Variants in DTNB observed in about 807,000 individuals in gnomAD.
DTNB encodes the protein DTN-B.
In DTNB, 63 loss-of-function variants were observed where a neutral mutation model predicts 90.7. That is an observed-to-expected ratio of 0.69 (90% CI 0.57 to 0.86). DTNB has a LOEUF of 0.86. DTNB is among the 40% of genes least tolerant of loss of function. DTNB has a pLI of 0.00. For missense variants in DTNB, 744 were observed against 807.1 expected, an observed-to-expected ratio of 0.92 and a Z score of 0.95; for synonymous variants, 277 against 286.7, an observed-to-expected ratio of 0.97 and a Z score of 0.34.
chr2:25,482,007 G>A (rs1396896925), intron 10 of DTNB, among the ~76,000 whole-genome samples: 1 of 152,108 alleles, frequency 6.6e-6, no homozygotes, highest in Non-Finnish European at 1.5e-5. Context: ...GGTACATATG[G>A]CACAAAATGT....
Position 25,588,075 on chromosome 2 carries a change from A to G in DTNB, c.604-7249T>C, listed in dbSNP as rs189713632. Among the ~76,000 whole-genome samples the G allele has an allele frequency of 2.9e-3, 435 of 152,268 alleles. 2 individuals are homozygous for G. Among genetic ancestry groups the G allele is most frequent in the Non-Finnish European group, 5.1e-3 (348 of 68,018 alleles). On this transcript the variant is annotated intron_variant, in intron 6 of 20. Coordinates refer to ENST00000406818, the MANE Select transcript of DTNB (RefSeq NM_021907.5). ...GGCAGTTTGGTCTACCTTCAGATGC[A>G]ATGCTTTAGTGTGACAATAAATTAT...
At chr2:25,651,778 C>A (rs1020674522) in intron 2 of DTNB, among the ~76,000 whole-genome samples, 7 of 152,310 alleles carry the variant, frequency 4.6e-5, no homozygotes, top group Non-Finnish European at 1.0e-4. Flanking sequence ...GCAAGGACCT[C>A]AGAGGCTATC....
At chr2:25,409,682 C>G (rs1232268752) in intron 16 of DTNB, among the ~76,000 whole-genome samples, 1 of 152,198 alleles carries the variant, frequency 6.6e-6, no homozygotes, top group African/African-American at 2.4e-5. Context: ...GCTTCCTTGT[C>G]TTATTGTCTC....
At position 25,558,824 on chromosome 2, in the gene DTNB, C is replaced by G. The variant is rs532838997; in HGVS notation, c.876+18014G>C. On this transcript the variant is annotated intron_variant, in intron 8 of 20. Coordinates refer to ENST00000406818, the MANE Select transcript of DTNB (RefSeq NM_021907.5). ...TACTGAAAATGCGGATAAAGGTTAT[C>G]AGGATATCCCAGACTATTCCCCCTA... Among the ~76,000 whole-genome samples, 5 of 152,302 alleles carry G rather than the reference C, an allele frequency of 3.3e-5. No individual in the cohort carries two copies. In the South Asian group the frequency reaches 1.0e-3, roughly 32 times the overall value.
chr2:25,388,025 G>A (rs2039999237), intron 17 of DTNB, among the ~76,000 whole-genome samples, 177 bp downstream of exon 17: 1 of 152,238 alleles, frequency 6.6e-6, no homozygotes, highest in Admixed American at 6.5e-5. Context: ...CCCTCCCGCT[G>A]GAGACCAGCC....
intron 16 of DTNB, among the ~76,000 whole-genome samples, chr2:25,389,846 T>TTGTG (rs68107964): frequency 0.013 from 1,262 of 96,100 alleles, 13 homozygotes; most frequent in African/African-American, 0.039. Flanking sequence ...TTTGAATCAT[T>TTGTG]TGTGTGTGTG....
chr2:25,504,030 G>A (rs1479228924), intron 9 of DTNB, among the ~76,000 whole-genome samples: 1 of 152,214 alleles, frequency 6.6e-6, no homozygotes, highest in Non-Finnish European at 1.5e-5. Context: ...CACTCTGGGA[G>A]GCCGAAGTGG....
At chr2:25,509,746 C>CTTTTT (rs36101268) in intron 9 of DTNB, among the ~76,000 whole-genome samples, 34 of 83,736 alleles carry the variant, frequency 4.1e-4, no homozygotes, top group Middle Eastern at 7.7e-3. Context: ...CTTTTAGATT[C>CTTTTT]TTTTTTTTTT....
chr2:25,568,870 A>C (rs1321652148), intron 8 of DTNB, among the ~76,000 whole-genome samples: 1 of 152,212 alleles, frequency 6.6e-6, no homozygotes, highest in African/African-American at 2.4e-5. Context: ...TCTTCACATA[A>C]GGCAGAACGC....
At chr2:25,405,810 G>C (rs1354696972) in intron 16 of DTNB, among the ~76,000 whole-genome samples, 1 of 152,138 alleles carries the variant, frequency 6.6e-6, no homozygotes, top group Non-Finnish European at 1.5e-5. Context: ...TTCTAAGGAG[G>C]GGAGGGATGT....
At chr2:25,640,046 C>T (rs2148839293) in intron 2 of DTNB, among the ~76,000 whole-genome samples, 1 of 152,346 alleles carries the variant, frequency 6.6e-6, no homozygotes, top group East Asian at 1.9e-4. Flanking sequence ...AAGATGTCAG[C>T]ACTGAACGCT....
chr2:25,378,712 C>T (rs1224909828), intron 20 of DTNB, among the ~76,000 whole-genome samples: 1 of 152,190 alleles, frequency 6.6e-6, no homozygotes, highest in African/African-American at 2.4e-5. Context: ...GAGCATCTGC[C>T]ACTGGAGCAG....
intron 1 of DTNB, among the ~76,000 whole-genome samples, chr2:25,654,757 A>C (rs984750250): frequency 6.6e-6 from 1 of 152,238 alleles, no homozygotes; most frequent in Non-Finnish European, 1.5e-5. Context: ...TAGTGAATTA[A>C]ACTAAATTTC....
intron 9 of DTNB, among the ~76,000 whole-genome samples, chr2:25,483,547 T>C (rs141548327): frequency 5.9e-5 from 9 of 152,356 alleles, no homozygotes; most frequent in Admixed American, 5.9e-4. Flanking sequence ...TGATAACCCC[T>C]AATCCAAATT....
At chr2:25,516,687 C>T (rs1237747031) in intron 9 of DTNB, among the ~76,000 whole-genome samples, 1 of 151,736 alleles carries the variant, frequency 6.6e-6, no homozygotes, top group East Asian at 1.9e-4. Context: ...GTCAGGAGTT[C>T]GAGACCAGCC....
chr2:25,583,339 T>G (rs1418975167), intron 6 of DTNB, among the ~76,000 whole-genome samples: 3 of 151,334 alleles, frequency 2.0e-5, no homozygotes, highest in Non-Finnish European at 4.4e-5. Flanking sequence ...TAGAAAATTT[T>G]TAGCTAGTAA....
intron 10 of DTNB, chr2:25,481,596 CT>C (rs1433866931): frequency 6.6e-6 from 1 of 152,272 alleles, no homozygotes; most frequent in Non-Finnish European, 1.5e-5. Flanking sequence ...GGCAAGTACT[CT>C]TACCTGGTCA....
rs544267000 is a variant in DTNB, at chr2:25,404,243, G to A, written c.1575+15272C>T. On this transcript the variant is annotated intron_variant, in intron 16 of 20. Transcript: ENST00000406818. ...CCAGCACACCAAACGGGATGTAACA[G>A]GTGCCACAGCAGAGAAACAGAGGAA... Among the ~76,000 whole-genome samples the A allele has an allele frequency of 1.2e-3, 188 of 152,334 alleles. 1 individual carries two copies. Among genetic ancestry groups the A allele is most frequent in the African/African-American group, 4.4e-3 (181 of 41,586 alleles).
At chr2:25,524,331 T>C (rs1379625305) in intron 9 of DTNB, among the ~76,000 whole-genome samples, 1 of 151,348 alleles carries the variant, frequency 6.6e-6, no homozygotes, top group African/African-American at 2.4e-5. Flanking sequence ...TCCTCAAAAG[T>C]TATCTAGTCA....
Sources: gnomAD v4.1 joint callset for allele counts (sites outside exome capture counted in the v4.1 genomes callset) on GRCh38, gnomAD v4.1.1 for gene constraint, MANE v1.5 for transcripts, NCBI Gene and HGNC (gene_info 2026-07-23, HGNC 2026-07-21) for gene names.